NOL4L: variants seen among roughly 807,000 people sequenced by gnomAD.
NOL4L encodes nucleolar protein 4 like.
In NOL4L, 7 loss-of-function variants were observed where a neutral mutation model predicts 64.5. That is an observed-to-expected ratio of 0.11 (90% CI 0.06 to 0.20). The LOEUF is 0.20. NOL4L is among the 10% of genes least tolerant of loss of function. The pLI is 1.00. For synonymous variants in NOL4L, 413 were observed against 401.0 expected, an observed-to-expected ratio of 1.03 and a Z score of -0.36; for missense variants, 680 against 967.1, an observed-to-expected ratio of 0.70 and a Z score of 3.94.
At chr20:32,535,598 G>T in intron 1 of NOL4L, 1 of 985,504 alleles carries the variant, frequency 1.0e-6, no homozygotes. Flanking sequence ...AATCACGCTG[G>T]GGACCAAAAC....
intron 1 of NOL4L, among the ~76,000 whole-genome samples, chr20:32,579,793 C>T (rs1014542614): frequency 8.5e-5 from 13 of 152,276 alleles, no homozygotes; most frequent in Admixed American, 3.9e-4. Flanking sequence ...CTGACAAAAA[C>T]GCACGCTCTG....
At chr20:32,500,862 G>A (rs564046578) in intron 4 of NOL4L, among the ~76,000 whole-genome samples, 1 of 152,278 alleles carries the variant, frequency 6.6e-6, no homozygotes, top group Non-Finnish European at 1.5e-5. Context: ...AAATGAAGAA[G>A]TATTGAATGA....
chr20:32,508,084 T>C (rs2017206751), intron 4 of NOL4L, among the ~76,000 whole-genome samples: 1 of 152,248 alleles, frequency 6.6e-6, no homozygotes, highest in Non-Finnish European at 1.5e-5. Flanking sequence ...TGGATTTATT[T>C]TCCATGTAAC....
intron 1 of NOL4L, among the ~76,000 whole-genome samples, chr20:32,555,909 C>A (rs1978618905): frequency 6.6e-6 from 1 of 152,112 alleles, no homozygotes; most frequent in South Asian, 2.1e-4. Flanking sequence ...TCCGAGAAGC[C>A]CTCCCTGACC....
At chr20:32,511,803 G>A (rs2017419468) in intron 3 of NOL4L, among the ~76,000 whole-genome samples, 1 of 152,258 alleles carries the variant, frequency 6.6e-6, no homozygotes, top group Non-Finnish European at 1.5e-5. Flanking sequence ...CCAGGAGTTC[G>A]AGACCAGCCT....
At chr20:32,485,064 A>C (rs867737666) in intron 4 of NOL4L, among the ~76,000 whole-genome samples, 15 of 130,864 alleles carry the variant, frequency 1.1e-4, no homozygotes, top group Admixed American at 4.3e-4. Context: ...TTGCCAAAAA[A>C]AAAAAAAAAA....
intron 1 of NOL4L, among the ~76,000 whole-genome samples, chr20:32,545,186 T>G (rs900215750): frequency 6.6e-6 from 1 of 152,176 alleles, no homozygotes; most frequent in Non-Finnish European, 1.5e-5. Flanking sequence ...AGCAGGAGGA[T>G]TGCTTGAGCC....
intron 4 of NOL4L, among the ~76,000 whole-genome samples, chr20:32,480,654 G>C (rs1600718171): frequency 6.6e-6 from 1 of 152,200 alleles, no homozygotes; most frequent in Admixed American, 6.5e-5. Flanking sequence ...TTCTGAGCAT[G>C]CCAAGAAGGT....
intron 3 of NOL4L, among the ~76,000 whole-genome samples, chr20:32,520,498 G>A (rs2017888235): frequency 6.6e-6 from 1 of 152,158 alleles, no homozygotes; most frequent in African/African-American, 2.4e-5. Context: ...TTGAGAACGG[G>A]GCAGGCTGGC....
chr20:32,510,296 G>A (rs907069134), intron 4 of NOL4L: 10 of 275,464 alleles, frequency 3.6e-5, no homozygotes, highest in Admixed American at 8.9e-5. Context: ...GGGGACAGGA[G>A]GGCTGGCCGC....
At chr20:32,562,202 T>C (rs1448851006) in intron 1 of NOL4L, among the ~76,000 whole-genome samples, 1 of 152,082 alleles carries the variant, frequency 6.6e-6, no homozygotes, top group Admixed American at 6.5e-5. Context: ...AGGAATGGCA[T>C]TTGCCTAGTG....
chr20:32,583,303 C>T (rs1427900117), intron 1 of NOL4L, among the ~76,000 whole-genome samples: 4 of 150,850 alleles, frequency 2.7e-5, no homozygotes, highest in African/African-American at 4.9e-5. Context: ...CCCCCTCACC[C>T]CGCGGGCCCG....
chr20:32,494,461 A>G (rs2016607894), intron 4 of NOL4L, among the ~76,000 whole-genome samples: 1 of 151,194 alleles, frequency 6.6e-6, no homozygotes, highest in Non-Finnish European at 1.5e-5. Context: ...CTTCCTCCCC[A>G]CTTTCCCCGT....
chr20:32,538,828 G>C (rs902493727), intron 1 of NOL4L, among the ~76,000 whole-genome samples: 1 of 152,200 alleles, frequency 6.6e-6, no homozygotes, highest in African/African-American at 2.4e-5. Flanking sequence ...CATTTTTGCT[G>C]TCTGGAGGAG....
At chr20:32,569,310 C>T (rs1433822646) in intron 1 of NOL4L, among the ~76,000 whole-genome samples, 1 of 152,170 alleles carries the variant, frequency 6.6e-6, no homozygotes, top group African/African-American at 2.4e-5. Flanking sequence ...AGAGCTGGGC[C>T]TTGCAGGTCA....
At chr20:32,570,880 C>G (rs1056243696) in intron 1 of NOL4L, among the ~76,000 whole-genome samples, 1 of 152,202 alleles carries the variant, frequency 6.6e-6, no homozygotes, top group South Asian at 2.1e-4. Context: ...CACTCAACCA[C>G]GACCCTTAAG....
At chr20:32,537,865 G>A (rs993299459) in intron 1 of NOL4L, among the ~76,000 whole-genome samples, 4 of 151,442 alleles carry the variant, frequency 2.6e-5, no homozygotes, top group Admixed American at 1.3e-4. Flanking sequence ...TGCAACCTCC[G>A]GCTCCTGGGT....
At chr20:32,504,455 G>A (rs1384732432) in intron 4 of NOL4L, among the ~76,000 whole-genome samples, 1 of 151,866 alleles carries the variant, frequency 6.6e-6, no homozygotes, top group African/African-American at 2.4e-5. Flanking sequence ...AGCTACTCGG[G>A]AGGCTGAGGC....
At chr20:32,558,240 G>A (rs1237916598) in intron 1 of NOL4L, among the ~76,000 whole-genome samples, 20 of 152,312 alleles carry the variant, frequency 1.3e-4, no homozygotes, top group Admixed American at 1.2e-3. Flanking sequence ...GGCCACAGAG[G>A]AGCTTGGCTA....
Sources: gnomAD v4.1 joint callset for allele counts (sites outside exome capture counted in the v4.1 genomes callset) on GRCh38, gnomAD v4.1.1 for gene constraint, MANE v1.5 for transcripts, NCBI Gene and HGNC (gene_info 2026-07-23, HGNC 2026-07-21) for gene names.